Variants in PCGF3 observed in about 807,000 individuals in gnomAD.
PCGF3 encodes the protein polycomb group ring finger 3.
PCGF3 carries 7 observed loss-of-function variants against 33.1 expected under a neutral mutation model. That is an observed-to-expected ratio of 0.21 (90% CI 0.12 to 0.40). The LOEUF is 0.40. Ranked by LOEUF, PCGF3 falls within the 10% of genes least tolerant of loss-of-function variation. The pLI is 1.00. For missense variants in PCGF3, 211 were observed against 313.3 expected (o/e 0.67, Z 2.46); for synonymous variants, 153 against 121.3 (o/e 1.26, Z -1.72).
intron 8 of PCGF3, among the ~76,000 whole-genome samples, chr4:758,664 C>T (rs1359315874): frequency 9.4e-6 from 1 of 106,466 alleles, no homozygotes; most frequent in African/African-American, 3.6e-5. Flanking sequence ...CTTCCGGACT[C>T]CAGGTCTTTC....
At chr4:758,764 C>T (rs1209387240) in intron 8 of PCGF3, among the ~76,000 whole-genome samples, 1 of 24,608 alleles carries the variant, frequency 4.1e-5, no homozygotes, top group African/African-American at 1.0e-4. Context: ...CTTCTTGCTC[C>T]GGACTCCGGG....
At chr4:742,149 C>A (rs1185289588) in intron 6 of PCGF3, among the ~76,000 whole-genome samples, 1 of 151,638 alleles carries the variant, frequency 6.6e-6, no homozygotes, top group Non-Finnish European at 1.5e-5. Flanking sequence ...CTCGGGGTCC[C>A]CTCCTCTCTC....
chr4:751,823 G>A (rs1165047871), intron 8 of PCGF3, among the ~76,000 whole-genome samples: 1 of 152,000 alleles, frequency 6.6e-6, no homozygotes, highest in East Asian at 1.9e-4. Context: ...CGAGGCTCAG[G>A]GTGGCATCAG....
At chr4:712,444 TTTTG>T (rs199769516) in intron 1 of PCGF3, among the ~76,000 whole-genome samples, 28 of 152,184 alleles carry the variant, frequency 1.8e-4, no homozygotes, top group East Asian at 1.3e-3. Flanking sequence ...TGTTTTTGTT[TTTTG>T]TTTGTTTGTT....
At chr4:734,566 C>T (rs893507197) in intron 4 of PCGF3, 61 of 1,159,510 alleles carry the variant, frequency 5.3e-5, no homozygotes, top group Non-Finnish European at 6.1e-5. Flanking sequence ...TCTAGTTGTA[C>T]GTAGAAGATA....
intron 9 of PCGF3, among the ~76,000 whole-genome samples, chr4:763,310 G>A (rs917057219): frequency 2.0e-5 from 3 of 152,174 alleles, no homozygotes; most frequent in Admixed American, 6.5e-5. Context: ...GCCGGACAGT[G>A]GGGCTGCAGG....
At chr4:765,274 A>T (rs1185096770) in intron 10 of PCGF3, among the ~76,000 whole-genome samples, 1 of 152,206 alleles carries the variant, frequency 6.6e-6, no homozygotes, top group East Asian at 1.9e-4. Flanking sequence ...TCTACTAAAA[A>T]TACAAAAAAT....
In PCGF3 at chr4:734,745, T is replaced by C. The variant is rs995686372; in HGVS notation, c.110-186T>C. The C allele has an allele frequency of 8.0e-6, 11 of 1,379,022 alleles. No individual in the cohort carries two copies. The African/African-American group carries it at 1.5e-4, about 19-fold the overall frequency. The allele number at this position is 1,379,022 out of a possible 1,614,324, so 85.4% of individuals were successfully genotyped here. ...GCCCATTGACGGGGCAATTAAAACC[T>C]TCTCATTGCTCCTGAGACCAGAACG... On this transcript the variant is annotated intron_variant, in intron 4 of 10. Coordinates refer to ENST00000362003, the Ensembl canonical transcript of PCGF3.
At chr4:758,660 G>A (rs1436446814) in intron 8 of PCGF3, among the ~76,000 whole-genome samples, 1 of 95,878 alleles carries the variant, frequency 1.0e-5, no homozygotes. Flanking sequence ...TCTCCTTCCG[G>A]ACTCCAGGTC....
intron 1 of PCGF3, among the ~76,000 whole-genome samples, chr4:711,032 G>T (rs564900442): frequency 6.6e-6 from 1 of 152,340 alleles, no homozygotes; most frequent in South Asian, 2.1e-4. Context: ...ACATTTGACC[G>T]GTGTGAGGAC....
At chr4:748,192 G>A (rs1413444147) in intron 8 of PCGF3, among the ~76,000 whole-genome samples, 3 of 149,328 alleles carry the variant, frequency 2.0e-5, no homozygotes, top group African/African-American at 7.3e-5. Flanking sequence ...CCATACCCAC[G>A]TCTAGAGAAC....
chr4:706,354 G>C (rs1013875012), intron 1 of PCGF3, among the ~76,000 whole-genome samples: 48 of 85,748 alleles, frequency 5.6e-4, no homozygotes, highest in South Asian at 1.3e-3. Context: ...CAGGCAGGAC[G>C]CAGGGAGGGC....
intron 8 of PCGF3, among the ~76,000 whole-genome samples, chr4:760,697 G>A (rs1397348756): frequency 6.6e-6 from 1 of 152,230 alleles, no homozygotes; most frequent in Non-Finnish European, 1.5e-5. Context: ...CAAGCCGGCC[G>A]GGCCCTTGGG....
intron 9 of PCGF3, chr4:762,581 C>T (rs1745120425): frequency 6.6e-6 from 1 of 152,338 alleles, no homozygotes; most frequent in African/African-American, 2.4e-5. Flanking sequence ...TCTTCCCCAA[C>T]ATGAGGATGC....
At chr4:768,035 A>T (rs189426692) in exon 11 of PCGF3, 1 of 152,704 alleles carries the variant, frequency 6.5e-6, no homozygotes, top group Admixed American at 6.5e-5. Context: ...ATGAAACTGA[A>T]TATCATTGTA....
intron 3 of PCGF3, 73 bp from the exon 4 acceptor site, chr4:733,599 C>T: frequency 1.4e-6 from 2 of 1,477,974 alleles, no homozygotes; most frequent in Non-Finnish European, 1.8e-6. Context: ...CTGGGGGCGG[C>T]TGTCAGAGCT....
intron 1 of PCGF3, among the ~76,000 whole-genome samples, chr4:708,107 A>G (rs12647181): frequency 0.076 from 10,747 of 141,298 alleles, 824 homozygotes; most frequent in East Asian, 0.12. Flanking sequence ...CGGGACCCTG[A>G]GACAGCCCTG....
chr4:761,016 G>C (rs755362551), intron 8 of PCGF3, among the ~76,000 whole-genome samples: 1 of 152,222 alleles, frequency 6.6e-6, no homozygotes, highest in African/African-American at 2.4e-5. Flanking sequence ...GTAACTGTGG[G>C]ATTAACTCTC....
chr4:708,994 G>T (rs1378314737), intron 1 of PCGF3, among the ~76,000 whole-genome samples: 2 of 152,164 alleles, frequency 1.3e-5, no homozygotes, highest in African/African-American at 4.8e-5. Context: ...AAACTTGTGG[G>T]TGTTTTCCTT....
Sources: allele counts gnomAD v4.1 joint callset (sites outside exome capture counted in the v4.1 genomes callset), GRCh38; gene constraint gnomAD v4.1.1; transcripts MANE v1.5; gene names NCBI Gene and HGNC (gene_info 2026-07-23, HGNC 2026-07-21).